NFATC4: variants seen among roughly 807,000 people sequenced by gnomAD.
NFATC4 encodes nuclear factor of activated T-cells, cytoplasmic 4.
Under a neutral mutation model 73.4 loss-of-function variants are expected in NFATC4, and 25 were observed. The ratio of observed to expected loss-of-function variants is 0.34; its 90% confidence interval spans 0.25 to 0.48. The LOEUF (loss-of-function observed/expected upper bound fraction) is 0.48. Among genes scored for constraint, NFATC4 ranks in the 20% least tolerant of loss-of-function variants. NFATC4 has a pLI of 0.99. For missense variants in NFATC4, 1,130 were observed against 1,203.7 expected (o/e 0.94, Z 0.91); for synonymous variants, 523 against 510.3 (o/e 1.02, Z -0.34).
intron 7 of NFATC4, 42 bp downstream of exon 7, chr14:24,375,757 G>GGGGGGGC: frequency 1.8e-5 from 10 of 566,424 alleles, no homozygotes; most frequent in Non-Finnish European, 3.3e-5. Flanking sequence ...GCGGGGGTGG[G>GGGGGGGC]AGAAGGCAGG....
chr14:24,369,177 C>T (rs2042392541), intron 1 of NFATC4: 2 of 1,507,510 alleles, frequency 1.3e-6, no homozygotes, highest in East Asian at 2.5e-5. Context: ...CCCAGTCCAG[C>T]CCAGTGCCTC....
In NFATC4 at chr14:24,370,329, T is replaced by A. The variant is rs1225683372; in HGVS notation, c.931T>A (p.Ser311Thr). The A allele has an allele frequency of 1.1e-5, 17 of 1,611,644 alleles. No homozygotes were observed. Among genetic ancestry groups the A allele is most frequent in the Non-Finnish European group, 1.4e-5 (17 of 1,178,376 alleles). Residue 311 changes from serine (S) to threonine (T), a missense_variant, in exon 2 of 10, where the codon TCC (serine) becomes ACC (threonine). By Grantham distance (58) the Ser-to-Thr change is moderately conservative. Around this residue, in one of 3 missense-constraint regions of NFATC4, gnomAD observed 585 missense variants for 574.3 expected, o/e 1.02. Transcript: ENST00000250373. ...PPLPLARDPG[S>T]PGPFDYVGAP... is the part of the protein sequence containing the mutation. ...ATTGCCTCTGGCCCGGGACCCGGGCTCCCCTGGTCCCTTTGACTATGTGGG... is the reference window on the plus strand; with the variant it reads ...ATTGCCTCTGGCCCGGGACCCGGGCACCCCTGGTCCCTTTGACTATGTGGG...
At position 24,369,861 on chromosome 14, in the gene NFATC4, T is replaced by C. The variant is rs549989908; in HGVS notation, c.463T>C (p.Tyr155His). The change falls in exon 2 of 10, where the codon TAC becomes CAC. Residue 155 changes from tyrosine to histidine, a missense_variant. Transcript: ENST00000250373. ...DYPPPEGFGGYREAGGQGGGA... is the reference protein window; with the variant it reads ...DYPPPEGFGGHREAGGQGGGA... Reference sequence around the variant, plus strand: ...CCCCCCACCAGAAGGCTTTGGGGGCTACAGAGAAGCAGGGGGCCAGGGTGG... The same window carrying C: ...CCCCCCACCAGAAGGCTTTGGGGGCCACAGAGAAGCAGGGGGCCAGGGTGG... 71 of 1,609,632 alleles carry C rather than the reference T, an allele frequency of 4.4e-5. No individual in the cohort carries two copies. The Admixed American group carries it at 5.0e-4, about 11-fold the overall frequency.
At position 24,370,397 on chromosome 14, in the gene NFATC4, T is replaced by A. The variant is rs747408188; in HGVS notation, c.999T>A (p.Thr333=). The A allele has an allele frequency of 1.1e-5, 18 of 1,614,024 alleles. No individual in the cohort carries two copies. The highest frequency in any genetic ancestry group is 2.2e-5 in the South Asian group (2 of 91,086). ...GCATCCCTCAGAAGACACGGCGGAC[T>A]TCCAGCGAGCAGGCAGTGGCTCTGC... ...AESIPQKTRR[T]SSEQAVALPR... Residue 333 remains threonine, a synonymous_variant, in exon 2 of 10, where the codon ACT becomes ACA. Transcript: ENST00000250373.
At chr14:24,369,219 C>T (rs1594700288) in intron 1 of NFATC4, 1 of 1,533,230 alleles carries the variant, frequency 6.5e-7, no homozygotes, top group East Asian at 2.4e-5. Context: ...AGCCCCAGCT[C>T]CAGCCCCTCT....
In NFATC4 at chr14:24,369,975, G is replaced by A; in HGVS notation, c.577G>A (p.Ala193Thr). The change falls in exon 2 of 10, where the codon GCA becomes ACA. Residue 193 changes from alanine to threonine, a missense_variant. Physicochemically the swap from Ala to Thr is moderately conservative, Grantham distance 58. Transcript: ENST00000250373. ...TGCCTCTGACGAGGCAGCCCTGTAT[G>A]CAGCCTGCGACGAGGTGGAGTCTGA... ...SDASDEAALYAACDEVESELN... is the reference protein window; with the variant it reads ...SDASDEAALYTACDEVESELN... 1 of 1,612,952 alleles carries A rather than the reference G, an allele frequency of 6.2e-7. No individual in the cohort carries two copies. Among genetic ancestry groups the A allele is most frequent in the African/African-American group, 1.3e-5 (1 of 75,048 alleles).
Position 24,377,344 on chromosome 14 carries a change from A to T in NFATC4, c.2642-294A>T. 1 of 1,312,394 alleles carries T rather than the reference A, an allele frequency of 7.6e-7. No homozygotes were observed. The highest frequency in any genetic ancestry group is 9.7e-7 in the Non-Finnish European group (1 of 1,030,690). The allele number at this position is 1,312,394 out of a possible 1,614,324, so 81.3% of individuals were successfully genotyped here. On this transcript the variant is annotated intron_variant, in intron 9 of 9. Coordinates refer to ENST00000250373, the MANE Select transcript of NFATC4 (RefSeq NM_004554.5). The surrounding 1 kb of genome is among the most constrained non-coding windows in gnomAD (Gnocchi z 4.2). ...TTGCCTCTCCTTCTTCCCATTGGCT[A>T]CACCCATCTCTGGCCCTGCTGATAC...
chr14:24,372,802 C>T, intron 3 of NFATC4, 199 bp downstream of exon 3: 1 of 656,510 alleles, frequency 1.5e-6, no homozygotes, highest in African/African-American at 1.8e-5. Flanking sequence ...CACCCCCACT[C>T]AGCTCATCCC....
intron 6 of NFATC4, 129 bp from the exon 7 acceptor site, chr14:24,375,531 C>A: frequency 1.2e-6 from 1 of 858,406 alleles, no homozygotes; most frequent in Non-Finnish European, 1.9e-6. Context: ...GTGGGCTCCT[C>A]TGTGTGTCAG....
chr14:24,376,357 C>G lies in NFATC4; in HGVS notation c.2120C>G (p.Thr707Ser). 1 of 1,608,018 alleles carries G rather than the reference C, an allele frequency of 6.2e-7. No individual in the cohort carries two copies. The highest frequency in any genetic ancestry group is 8.5e-7 in the Non-Finnish European group (1 of 1,177,050). The change falls in exon 9 of 10, where the codon ACC becomes AGC. Residue 707 changes from threonine (T) to serine (S), a missense_variant. This residue lies in a region of NFATC4 where 390 missense variants were observed against 408.1 expected (regional missense o/e 0.96). Coordinates refer to ENST00000250373, the MANE Select transcript of NFATC4 (RefSeq NM_004554.5). This position sits in a 1 kb window ranked among gnomAD's most constrained non-coding sequence, Gnocchi z 5.0. Reference protein sequence around the residue: ...SLRGFPSASATPFGTDMDFSP... With the variant: ...SLRGFPSASASPFGTDMDFSP... Reference sequence around the variant, plus strand: ...CGGGGTTTCCCTTCAGCATCGGCAACCCCCTTTGGCACTGACATGGACTTC... The same window carrying G: ...CGGGGTTTCCCTTCAGCATCGGCAAGCCCCTTTGGCACTGACATGGACTTC...
At position 24,368,301 on chromosome 14, in the gene NFATC4, C is replaced by A. The variant is rs1242473827; in HGVS notation, c.-40C>A. 8 of 1,379,352 alleles carry A rather than the reference C, an allele frequency of 5.8e-6. No homozygotes were observed. In the East Asian group the frequency reaches 2.5e-4, roughly 42 times the overall value. 85.4% of individuals were successfully genotyped at this position (1,379,352 alleles called of 1,614,324 possible). ...ATACAGCAGCCTCCTGAACTCCCCC[C>A]TCCCACCCAGGCCGGGACCTGGGGG... On this transcript the variant is annotated 5_prime_UTR_variant, in exon 1 of 10. Coordinates refer to ENST00000250373, the MANE Select transcript of NFATC4 (RefSeq NM_004554.5).
At position 24,373,461 on chromosome 14, in the gene NFATC4, A is replaced by C. The variant is rs1323290406; in HGVS notation, c.1559+91A>C. The C allele has an allele frequency of 1.3e-6, 2 of 1,491,724 alleles. No individual in the cohort carries two copies. Among genetic ancestry groups the C allele is most frequent in the Non-Finnish European group, 1.8e-6 (2 of 1,093,164 alleles). 92.4% of individuals were successfully genotyped at this position (1,491,724 alleles called of 1,614,324 possible). ...CTAGCCCACTTCTTCCTTTTCCCAG[A>C]AGAGGTAGACATTTTTCCTAGGAGC... On this transcript the variant is annotated intron_variant, in intron 4 of 9. Coordinates refer to ENST00000250373, the MANE Select transcript of NFATC4 (RefSeq NM_004554.5). The surrounding 1 kb of genome is among the most constrained non-coding windows in gnomAD (Gnocchi z 4.7).
At chr14:24,367,122 T>C (rs755132493), upstream of NFATC4, 29 of 1,613,586 alleles carry the variant, frequency 1.8e-5, no homozygotes, top group Non-Finnish European at 2.4e-5. Context: ...GTCACGAATC[T>C]CCCATCTAAC....
Position 24,373,094 on chromosome 14 carries a change from A to G in NFATC4, c.1360-77A>G. On this transcript the variant is annotated intron_variant, in intron 3 of 9. Transcript: ENST00000250373. The surrounding 1 kb of genome is among the most constrained non-coding windows in gnomAD (Gnocchi z 4.7). ...TCTTTCACCATTCCCATCCCATGGT[A>G]GACTGAAAATCTAGGGATGAATAAA... The G allele has an allele frequency of 1.4e-6, 2 of 1,419,338 alleles. No homozygotes were observed. The highest frequency in any genetic ancestry group is 1.4e-5 in the African/African-American group (1 of 70,698). The allele number at this position is 1,419,338 out of a possible 1,614,324, so 87.9% of individuals were successfully genotyped here. A position where few individuals can be genotyped will look rare whatever the true frequency, so the allele number is the denominator to read the frequency against.
At position 24,369,973 on chromosome 14, in the gene NFATC4, A is replaced by T; in HGVS notation, c.575A>T (p.Tyr192Phe). ...GATGCCTCTGACGAGGCAGCCCTGTATGCAGCCTGCGACGAGGTGGAGTCT... is the reference window on the plus strand; with the variant it reads ...GATGCCTCTGACGAGGCAGCCCTGTTTGCAGCCTGCGACGAGGTGGAGTCT... ...FSDASDEAAL[Y>F]AACDEVESEL... Residue 192 changes from tyrosine to phenylalanine, a missense_variant, in exon 2 of 10, where the codon TAT (tyrosine) becomes TTT (phenylalanine). Coordinates refer to ENST00000250373, the MANE Select transcript of NFATC4 (RefSeq NM_004554.5). 6.2e-7 allele frequency: 1 copy of T among 1,612,946 alleles called. No individual in the cohort carries two copies. The highest frequency in any genetic ancestry group is 1.3e-5 in the African/African-American group (1 of 75,034).
chr14:24,369,180 A>G, intron 1 of NFATC4: 1 of 1,509,842 alleles, frequency 6.6e-7, no homozygotes, highest in East Asian at 2.5e-5. Flanking sequence ...AGTCCAGCCC[A>G]GTGCCTCAAG....
Position 24,377,826 on chromosome 14 carries a change from C to T in NFATC4, c.*121C>T. 6.5e-7 allele frequency: 1 copy of T among 1,548,720 alleles called. No individual in the cohort carries two copies. Among genetic ancestry groups the T allele is most frequent in the Non-Finnish European group, 8.7e-7 (1 of 1,146,454 alleles). ...CCAACCCTGGCTCCTCTTTCCCCAG[C>T]TTCTGTCTGTCTCACTGTCTTCCCT... On this transcript the variant is annotated 3_prime_UTR_variant, in exon 10 of 10. Coordinates refer to ENST00000250373, the MANE Select transcript of NFATC4 (RefSeq NM_004554.5). The surrounding 1 kb of genome is among the most constrained non-coding windows in gnomAD (Gnocchi z 4.2).
At chr14:24,367,197 C>G (rs1348302386), upstream of NFATC4, 1 of 1,613,920 alleles carries the variant, frequency 6.2e-7, no homozygotes, top group Admixed American at 1.7e-5. Context: ...CCAGGTCTTC[C>G]TTCCTCCTCC....
chr14:24,367,735 C>G (rs1354248436), upstream of NFATC4: 8 of 1,468,598 alleles, frequency 5.4e-6, no homozygotes, highest in Middle Eastern at 4.6e-4. Context: ...TGGCCTCAGG[C>G]TTGGAGGGAA....
Sources: allele counts gnomAD v4.1 joint callset, GRCh38; gene constraint gnomAD v4.1.1; regional missense constraint gnomAD v4.1.1; non-coding constraint Gnocchi (gnomAD v3.1); transcripts MANE v1.5; gene names NCBI Gene and HGNC (gene_info 2026-07-23, HGNC 2026-07-21).